Variants in VPS13A observed in about 807,000 individuals in gnomAD.
The protein encoded by VPS13A is vacuolar protein sorting 13 homolog A, also known as intermembrane lipid transfer protein VPS13A.
In VPS13A, 264 loss-of-function variants were observed where a neutral mutation model predicts 390.9. The ratio of observed to expected loss-of-function variants is 0.68; its 90% CI spans 0.61 to 0.75. VPS13A has a LOEUF of 0.75. Ranked by LOEUF, VPS13A falls within the 30% of genes least tolerant of loss-of-function variation. The pLI, the probability that VPS13A is intolerant of heterozygous loss-of-function variation, is 0.00. For missense variants in VPS13A, 3,409 were observed against 3,733.9 expected, an observed-to-expected ratio of 0.91 and a Z score of 2.27; for synonymous variants, 1,231 against 1,227.1, an observed-to-expected ratio of 1.00 and a Z score of -0.07.
rs570100122 is a variant in VPS13A at position 77,264,762 on chromosome 9, T to C, written c.2427+4538T>C. Among the ~76,000 whole-genome samples, 9 of 152,344 alleles carry C rather than the reference T, an allele frequency of 5.9e-5. No homozygotes were observed. In the East Asian group the frequency reaches 1.7e-3, roughly 29 times the overall value. On this transcript the variant is annotated intron_variant, in intron 23 of 71. Coordinates refer to ENST00000360280, the MANE Select transcript of VPS13A (RefSeq NM_033305.3). ...TGCAAACAGAGACGATTTGATTTCC[T>C]TTCTTCCTATTTGAATACCCTTTAT...
intron 31 of VPS13A, among the ~76,000 whole-genome samples, chr9:77,292,268 C>A (rs1057112361): frequency 6.6e-6 from 1 of 152,162 alleles, no homozygotes; most frequent in African/African-American, 2.4e-5. Flanking sequence ...TATCCTTTAT[C>A]ATTTTAGCTG....
rs555946587 is a variant in VPS13A at position 77,220,142 on chromosome 9, A to G, written c.882+61A>G. 116 of 1,547,406 alleles carry G rather than the reference A, an allele frequency of 7.5e-5. No individual in the cohort carries two copies. In the African/African-American group the frequency reaches 1.4e-3, roughly 19 times the overall value. On this transcript the variant is annotated intron_variant, in intron 11 of 71. Coordinates refer to ENST00000360280, the MANE Select transcript of VPS13A (RefSeq NM_033305.3). ...ATTGTTTGATAAAAGCAAAACTAAG[A>G]TTTTAAATGTTTCACTAAAATTCAT...
intron 53 of VPS13A, 77 bp downstream of exon 53, chr9:77,351,523 C>T (rs959542506): frequency 1.3e-6 from 2 of 1,557,358 alleles, no homozygotes; most frequent in Non-Finnish European, 1.8e-6. Flanking sequence ...GTGGCTCACG[C>T]CTGTAATCCC....
At chr9:77,361,428 T>C (rs758368570) in intron 59 of VPS13A, among the ~76,000 whole-genome samples, 1 of 152,136 alleles carries the variant, frequency 6.6e-6, no homozygotes, top group Non-Finnish European at 1.5e-5. Flanking sequence ...CATTCCTTTT[T>C]ATGGTTAAGT....
chr9:77,354,309 C>T (rs1041751968), intron 54 of VPS13A, among the ~76,000 whole-genome samples: 4 of 151,926 alleles, frequency 2.6e-5, no homozygotes, highest in South Asian at 2.1e-4. Flanking sequence ...TTAATCTATA[C>T]GTGTCCCTGA....
At chr9:77,290,969 T>C (rs2131366826) in intron 31 of VPS13A, among the ~76,000 whole-genome samples, 1 of 152,304 alleles carries the variant, frequency 6.6e-6, no homozygotes, top group Admixed American at 6.5e-5. Flanking sequence ...ATTTTTTCCC[T>C]TGCTTTTATA....
chr9:77,208,619 G>A lies in VPS13A; in HGVS notation c.386-804G>A, dbSNP rs138334764. 5.8e-3 allele frequency among the ~76,000 whole-genome samples: 878 copies of A among 150,684 alleles called. 12 individuals carry two copies. The highest frequency in any genetic ancestry group is 0.021 in the African/African-American group (845 of 40,974). The stretch of plus-strand genomic sequence containing the variant: ...GGATGGAATGCAGTGGTGTGATCTC[G>A]GCTCACTGCAGCCTCCACCTCTCTG... On this transcript the variant is annotated intron_variant, in intron 5 of 71. Coordinates refer to ENST00000360280, the MANE Select transcript of VPS13A (RefSeq NM_033305.3).
At chr9:77,307,211 T>G (rs1219536618) in intron 34 of VPS13A, among the ~76,000 whole-genome samples, 1 of 152,144 alleles carries the variant, frequency 6.6e-6, no homozygotes, top group Non-Finnish European at 1.5e-5. Context: ...GGCCTGAAAT[T>G]ATTAGCTCTT....
rs1198882751 is a variant in VPS13A, at chr9:77,403,369, C to T, written c.9275+48C>T. Reference sequence around the variant, plus strand: ...CGTAATTTTATAAGGGGTTAACTGACAGCGACTCATGAGGTGAAGATTTGT... The same window carrying T: ...CGTAATTTTATAAGGGGTTAACTGATAGCGACTCATGAGGTGAAGATTTGT... On this transcript the variant is annotated intron_variant, in intron 69 of 71. Transcript: ENST00000360280. The T allele has an allele frequency of 3.5e-6, 5 of 1,432,822 alleles. No homozygotes were observed. In the African/African-American group the frequency reaches 4.2e-5, roughly 12 times the overall value. 88.8% of individuals were successfully genotyped at this position (1,432,822 alleles called of 1,614,324 possible).
At chr9:77,399,274 G>A (rs1381273255) in intron 68 of VPS13A, among the ~76,000 whole-genome samples, 1 of 149,614 alleles carries the variant, frequency 6.7e-6, no homozygotes, top group Non-Finnish European at 1.5e-5. Context: ...TCTATCAAGT[G>A]TGTTACATTT....
At chr9:77,302,220 A>G (rs2131392020) in intron 33 of VPS13A, among the ~76,000 whole-genome samples, 1 of 152,084 alleles carries the variant, frequency 6.6e-6, no homozygotes, top group African/African-American at 2.4e-5. Context: ...GGCCTCCCAA[A>G]GTGCTGGGAT....
chr9:77,226,374 G>T, intron 14 of VPS13A, 92 bp from the exon 15 acceptor site: 1 of 1,214,164 alleles, frequency 8.2e-7, no homozygotes, highest in East Asian at 2.4e-5. Context: ...TTTTGCTCAA[G>T]AGGATAAGTT....
intron 13 of VPS13A, among the ~76,000 whole-genome samples, chr9:77,222,976 A>G (rs945440146): frequency 6.6e-6 from 1 of 151,902 alleles, no homozygotes. Flanking sequence ...ACACTAAGCT[A>G]TAACCAAACC....
chr9:77,399,434 A>C (rs552187671), intron 68 of VPS13A, among the ~76,000 whole-genome samples: 1 of 152,174 alleles, frequency 6.6e-6, no homozygotes, highest in Admixed American at 6.5e-5. Context: ...GGAAAGTAGA[A>C]AGTGATGAGA....
intron 23 of VPS13A, among the ~76,000 whole-genome samples, chr9:77,261,436 C>G (rs936618874): frequency 6.6e-6 from 1 of 151,642 alleles, no homozygotes. Flanking sequence ...ATGAAAAATA[C>G]TGCTTTGAAC....
intron 68 of VPS13A, among the ~76,000 whole-genome samples, chr9:77,395,173 T>A (rs1834071236): frequency 6.6e-6 from 1 of 152,226 alleles, no homozygotes; most frequent in Admixed American, 6.5e-5. Context: ...CTTGGTCGTT[T>A]CTAGCTTTTG....
At chr9:77,354,292 A>G (rs1003941663) in intron 54 of VPS13A, among the ~76,000 whole-genome samples, 26 of 152,170 alleles carry the variant, frequency 1.7e-4, no homozygotes, top group Admixed American at 1.4e-3. Context: ...TTAGTTTTCT[A>G]TGTACATTAA....
Position 77,396,184 on chromosome 9 carries a change from G to A in VPS13A, c.9190-7052G>A, listed in dbSNP as rs190242543. 1.6e-3 allele frequency among the ~76,000 whole-genome samples: 245 copies of A among 152,268 alleles called. 2 individuals carry two copies. Among genetic ancestry groups the A allele is most frequent in the Middle Eastern group, 0.01 (3 of 294 alleles). On this transcript the variant is annotated intron_variant, in intron 68 of 71. Coordinates refer to ENST00000360280, the MANE Select transcript of VPS13A (RefSeq NM_033305.3). Reference sequence around the variant, plus strand: ...CTGTTGTCAGTACATATAACTATTTGATGAGCATAGTTATTTTCCTTCTCC... The same window carrying A: ...CTGTTGTCAGTACATATAACTATTTAATGAGCATAGTTATTTTCCTTCTCC...
chr9:77,321,069 G>C, intron 42 of VPS13A, 100 bp from the exon 43 acceptor site: 2 of 1,124,624 alleles, frequency 1.8e-6, no homozygotes, highest in Non-Finnish European at 2.6e-6. Flanking sequence ...AATTAGAAAA[G>C]ATAAAATGTA....
Sources: allele counts gnomAD v4.1 joint callset (sites outside exome capture counted in the v4.1 genomes callset), GRCh38; gene constraint gnomAD v4.1.1; transcripts MANE v1.5; gene names NCBI Gene and HGNC (gene_info 2026-07-23, HGNC 2026-07-21).